Variants in TEC observed in about 807,000 individuals in gnomAD.
The protein encoded by TEC is tyrosine-protein kinase Tec.
In TEC, 72 loss-of-function variants were observed where a neutral mutation model predicts 93.0. The ratio of observed to expected loss-of-function variants is 0.77; its 90% CI spans 0.64 to 0.94. TEC has a LOEUF of 0.94. Among genes scored for constraint, TEC ranks in the 40% least tolerant of loss-of-function variants. The probability of loss-of-function intolerance (pLI) is 0.00; values close to 1 mark genes in which losing one functional copy is unlikely to be tolerated. For synonymous variants in TEC, 249 were observed against 247.7 expected (o/e 1.01, Z -0.05); for missense variants, 630 against 757.9 (o/e 0.83, Z 1.98).
At chr4:48,183,088 A>G (rs540255691) in intron 2 of TEC, among the ~76,000 whole-genome samples, 1 of 152,242 alleles carries the variant, frequency 6.6e-6, no homozygotes, top group South Asian at 2.1e-4. Context: ...TCATGTCTGC[A>G]TTGCAAGAGG....
At chr4:48,210,357 G>A (rs1230446597) in intron 2 of TEC, among the ~76,000 whole-genome samples, 3 of 151,904 alleles carry the variant, frequency 2.0e-5, no homozygotes, top group East Asian at 1.9e-4. Flanking sequence ...ATAGTGGCAC[G>A]TGCCTGTCAT....
chr4:48,174,798 A>T (rs1257113750), intron 3 of TEC, among the ~76,000 whole-genome samples: 3 of 152,200 alleles, frequency 2.0e-5, no homozygotes, highest in African/African-American at 7.2e-5. Context: ...ATTAGGTGTA[A>T]TATTAATAGC....
At chr4:48,241,797 TC>T (rs1347584797) in intron 1 of TEC, among the ~76,000 whole-genome samples, 3 of 151,568 alleles carry the variant, frequency 2.0e-5, no homozygotes, top group African/African-American at 7.3e-5. Context: ...TCAATTTTCT[TC>T]CTTCCCTCAA....
At chr4:48,211,687 G>A (rs1159522762) in intron 2 of TEC, among the ~76,000 whole-genome samples, 3 of 152,144 alleles carry the variant, frequency 2.0e-5, no homozygotes, top group Non-Finnish European at 4.4e-5. Context: ...AGTCACTTGT[G>A]AGTTTTCTTT....
intron 2 of TEC, among the ~76,000 whole-genome samples, chr4:48,213,012 A>G (rs561158230): frequency 6.6e-6 from 1 of 152,372 alleles, no homozygotes; most frequent in South Asian, 2.1e-4. Context: ...TACTTCTACC[A>G]GGAAATTATA....
chr4:48,215,175 A>C (rs1424182569), intron 2 of TEC, among the ~76,000 whole-genome samples: 1 of 152,022 alleles, frequency 6.6e-6, no homozygotes, highest in Non-Finnish European at 1.5e-5. Context: ...TAATTAAAAT[A>C]ATTTTTTAAA....
chr4:48,141,274 T>C, intron 15 of TEC, 81 bp downstream of exon 15: 1 of 1,202,776 alleles, frequency 8.3e-7, no homozygotes, highest in South Asian at 1.3e-5. Context: ...TTCTGCTTCA[T>C]CAGTGCAAAT....
At chr4:48,224,625 T>A (rs1723380720) in intron 2 of TEC, among the ~76,000 whole-genome samples, 1 of 152,262 alleles carries the variant, frequency 6.6e-6, no homozygotes, top group Admixed American at 6.5e-5. Flanking sequence ...TATGTGGAAA[T>A]ACACATGAAT....
intron 1 of TEC, among the ~76,000 whole-genome samples, chr4:48,244,255 T>G (rs1182749193): frequency 6.6e-6 from 1 of 152,222 alleles, no homozygotes; most frequent in African/African-American, 2.4e-5. Context: ...ATTTTCACAC[T>G]GCTGATAAAG....
At chr4:48,227,641 C>CAAAAAA (rs34047322) in intron 2 of TEC, among the ~76,000 whole-genome samples, 1 of 84,288 alleles carries the variant, frequency 1.2e-5, no homozygotes. Flanking sequence ...GACACTGTCT[C>CAAAAAA]AAAAAAAAAA....
At chr4:48,261,919 C>T (rs1724505719) in intron 1 of TEC, among the ~76,000 whole-genome samples, 1 of 151,988 alleles carries the variant, frequency 6.6e-6, no homozygotes, top group Admixed American at 6.6e-5. Context: ...CTCCCTCCTC[C>T]AAAAGCCATT....
chr4:48,167,288 C>CAT (rs138124370), intron 7 of TEC, among the ~76,000 whole-genome samples: 75 of 151,634 alleles, frequency 4.9e-4, no homozygotes, highest in African/African-American at 1.6e-3. Flanking sequence ...CACACATATA[C>CAT]ATATATATAT....
intron 14 of TEC, among the ~76,000 whole-genome samples, chr4:48,142,524 G>T (rs1719721890): frequency 6.6e-6 from 1 of 152,048 alleles, no homozygotes; most frequent in Non-Finnish European, 1.5e-5. Context: ...TATGTTCCCA[G>T]TATATTATAA....
Position 48,246,759 on chromosome 4 carries a change from T to C in TEC, c.-45-18100A>G, listed in dbSNP as rs541365816. On this transcript the variant is annotated intron_variant, in intron 1 of 17. Coordinates refer to ENST00000381501, the MANE Select transcript of TEC (RefSeq NM_003215.3). The stretch of plus-strand genomic sequence containing the variant: ...ACCATATACAAAAATTAACTCAAAA[T>C]GGATCAAAGATTTAATTAAAGAACT... Among the ~76,000 whole-genome samples, 4 of 152,274 alleles carry C rather than the reference T, an allele frequency of 2.6e-5. No homozygotes were observed. The South Asian group carries it at 8.3e-4, about 32-fold the overall frequency.
chr4:48,194,508 C>A (rs1019264820), intron 2 of TEC, among the ~76,000 whole-genome samples: 2 of 152,166 alleles, frequency 1.3e-5, no homozygotes, highest in African/African-American at 4.8e-5. Flanking sequence ...CATATAATGG[C>A]AGCTTTCCTA....
At chr4:48,138,874 C>A (rs79938226) in intron 16 of TEC, 30 bp downstream of exon 16, 4 of 1,613,762 alleles carry the variant, frequency 2.5e-6, no homozygotes. Context: ...CTCCTCAGGG[C>A]GGACGGACAT....
intron 1 of TEC, among the ~76,000 whole-genome samples, chr4:48,258,431 A>T (rs925493120): frequency 4.6e-5 from 7 of 152,128 alleles, no homozygotes; most frequent in Admixed American, 3.9e-4. Flanking sequence ...GAGAGCCACT[A>T]AGCCCAGCCC....
intron 14 of TEC, among the ~76,000 whole-genome samples, chr4:48,143,678 A>G (rs7682890): frequency 4.6e-5 from 7 of 152,020 alleles, no homozygotes; most frequent in African/African-American, 9.6e-5. Context: ...CAATTCTCTA[A>G]TATGTTTTAA....
intron 2 of TEC, among the ~76,000 whole-genome samples, chr4:48,213,462 AG>A (rs1722976018): frequency 1.3e-5 from 2 of 152,250 alleles, no homozygotes; most frequent in Admixed American, 6.5e-5. Context: ...TATTTATCTC[AG>A]AAGTACAGTA....
Sources: gnomAD v4.1 joint callset for allele counts (sites outside exome capture counted in the v4.1 genomes callset) on GRCh38, gnomAD v4.1.1 for gene constraint, MANE v1.5 for transcripts, NCBI Gene and HGNC (gene_info 2026-07-23, HGNC 2026-07-21) for gene names.